The following PDE1C variants were observed in gnomAD, a reference collection of about 807,000 sequenced individuals.
PDE1C encodes the protein dual specificity calcium/calmodulin-dependent 3',5'-cyclic nucleotide phosphodiesterase 1C.
In PDE1C, 62 loss-of-function variants were observed where a neutral mutation model predicts 93.1. That is an observed-to-expected ratio of 0.67 (90% CI 0.54 to 0.82). PDE1C has a LOEUF of 0.82. Among genes scored for constraint, PDE1C ranks in the 40% least tolerant of loss-of-function variants. PDE1C has a pLI of 0.00. For synonymous variants in PDE1C, 325 were observed against 310.1 expected (o/e 1.05, Z -0.50); for missense variants, 742 against 884.6 (o/e 0.84, Z 2.04).
intron 16 of PDE1C, chr7:31,789,267 C>T (rs532975163): frequency 6.6e-6 from 1 of 152,284 alleles, no homozygotes; most frequent in South Asian, 2.1e-4. Flanking sequence ...CATGCTACAT[C>T]TACTATTCTT....
At chr7:31,747,489 A>G (rs1163414632), downstream of PDE1C, among the ~76,000 whole-genome samples, 1 of 152,162 alleles carries the variant, frequency 6.6e-6, no homozygotes, top group African/African-American at 2.4e-5. Flanking sequence ...ATTTTTGCCC[A>G]CTATGATTGT....
At chr7:32,407,434 G>C (rs1382776953) in intron 1 of PDE1C, among the ~76,000 whole-genome samples, 1 of 152,140 alleles carries the variant, frequency 6.6e-6, no homozygotes, top group Non-Finnish European at 1.5e-5. Context: ...GCATGAGCCA[G>C]TATTGCACAG....
intron 3 of PDE1C, chr7:32,169,704 A>G (rs1802524906): frequency 1.7e-6 from 2 of 1,195,426 alleles, no homozygotes; most frequent in African/African-American, 3.0e-5. Context: ...TTTGCTGGCC[A>G]CACTGACTAT....
chr7:31,646,461 T>C, the PDE1C span, among the ~76,000 whole-genome samples: 1 of 152,026 alleles, frequency 6.6e-6, no homozygotes, highest in Non-Finnish European at 1.5e-5. Context: ...GAGGTGGCCC[T>C]GGGGGAAAAG....
the PDE1C span, among the ~76,000 whole-genome samples, chr7:31,644,772 C>T: frequency 6.6e-6 from 1 of 152,142 alleles, no homozygotes; most frequent in African/African-American, 2.4e-5. Context: ...AAAATTAAGA[C>T]TATTGCACAT....
At chr7:32,337,394 T>G (rs1052318178) in intron 1 of PDE1C, among the ~76,000 whole-genome samples, 8 of 152,112 alleles carry the variant, frequency 5.3e-5, no homozygotes, top group Non-Finnish European at 8.8e-5. Flanking sequence ...AAGAACAGCA[T>G]GCTACAAGAG....
intron 1 of PDE1C, among the ~76,000 whole-genome samples, chr7:32,283,740 G>A (rs1181168937): frequency 6.6e-6 from 1 of 152,202 alleles, no homozygotes; most frequent in African/African-American, 2.4e-5. Context: ...CCGTCCCAAT[G>A]CAGAGCTTTG....
chr7:31,858,756 A>T (rs994135936), intron 7 of PDE1C, among the ~76,000 whole-genome samples: 1 of 152,118 alleles, frequency 6.6e-6, no homozygotes, highest in African/African-American at 2.4e-5. Context: ...CTAATATTCT[A>T]CTGTATGCTA....
chr7:31,792,697 C>T lies in PDE1C; in HGVS notation c.1891+16334G>A, dbSNP rs114797683. 8.3e-3 allele frequency among the ~76,000 whole-genome samples: 1,269 copies of T among 152,074 alleles called. 13 individuals are homozygous for T. Among genetic ancestry groups the T allele is most frequent in the African/African-American group, 0.029 (1,203 of 41,490 alleles). On this transcript the variant is annotated intron_variant, in intron 16 of 17. Transcript: ENST00000396191. ...TCCACATCCTATCTTTCATTGTGTTCTGGTTTTATGTATTTGTTTTCAATA... is the reference window on the plus strand; with the variant it reads ...TCCACATCCTATCTTTCATTGTGTTTTGGTTTTATGTATTTGTTTTCAATA...
At position 32,040,821 on chromosome 7, in the gene PDE1C, G is replaced by A. The variant is rs76155896; in HGVS notation, c.128+10733C>T. The stretch of plus-strand genomic sequence containing the variant: ...ATGTCCCAATGCCTATTGCCCTTAC[G>A]TAGCTTGATCTCCTGCCCCACCTAC... On this transcript the variant is annotated intron_variant, in intron 2 of 17. Transcript: ENST00000396191. Among the ~76,000 whole-genome samples the A allele has an allele frequency of 9.9e-3, 1,504 of 152,038 alleles. 6 individuals carry two copies. The highest frequency in any genetic ancestry group is 0.011 in the African/African-American group (449 of 41,464).
At chr7:32,069,498 T>C (rs1471021698) in intron 1 of PDE1C, among the ~76,000 whole-genome samples, 1 of 152,130 alleles carries the variant, frequency 6.6e-6, no homozygotes, top group Non-Finnish European at 1.5e-5. Context: ...GAGCAAGCTG[T>C]GAATATACAG....
intron 2 of PDE1C, among the ~76,000 whole-genome samples, chr7:31,976,477 T>C (rs1469655984): frequency 6.6e-6 from 1 of 152,186 alleles, no homozygotes; most frequent in Non-Finnish European, 1.5e-5. Context: ...TCCAAAACAA[T>C]CTAAGATGAA....
chr7:31,739,885 A>G, the PDE1C span, among the ~76,000 whole-genome samples: 2 of 152,360 alleles, frequency 1.3e-5, no homozygotes, highest in East Asian at 3.9e-4. Context: ...CACCATGTGG[A>G]TCATGAACTT....
At chr7:31,731,444 G>T in the PDE1C span, among the ~76,000 whole-genome samples, 3 of 152,106 alleles carry the variant, frequency 2.0e-5, no homozygotes, top group Non-Finnish European at 4.4e-5. Flanking sequence ...AGGCTGGAGT[G>T]CAGTGGTGTG....
chr7:32,118,169 A>G (rs893912239), intron 3 of PDE1C, among the ~76,000 whole-genome samples: 1 of 152,218 alleles, frequency 6.6e-6, no homozygotes, highest in Non-Finnish European at 1.5e-5. Context: ...TTAAATATGC[A>G]GTCAGTGGGG....
At chr7:32,368,412 A>G (rs1168723978) in intron 1 of PDE1C, among the ~76,000 whole-genome samples, 1 of 152,192 alleles carries the variant, frequency 6.6e-6, no homozygotes, top group African/African-American at 2.4e-5. Context: ...CAATAGCTAT[A>G]CAAAATAATA....
At chr7:32,323,034 C>T (rs1179757308) in intron 1 of PDE1C, among the ~76,000 whole-genome samples, 1 of 152,144 alleles carries the variant, frequency 6.6e-6, no homozygotes, top group East Asian at 1.9e-4. Context: ...AGGAATTTCT[C>T]AGGAAGATAC....
chr7:31,972,651 C>T (rs1811113083), intron 2 of PDE1C, among the ~76,000 whole-genome samples: 1 of 152,244 alleles, frequency 6.6e-6, no homozygotes, highest in Non-Finnish European at 1.5e-5. Context: ...ACACAACAAA[C>T]AATCATAAGA....
chr7:32,144,171 A>G (rs2128782924), intron 3 of PDE1C, among the ~76,000 whole-genome samples: 1 of 152,254 alleles, frequency 6.6e-6, no homozygotes, highest in Middle Eastern at 3.4e-3. Context: ...AGACAGAGAG[A>G]CACTATATCA....
Sources: gnomAD v4.1 joint callset for allele counts (sites outside exome capture counted in the v4.1 genomes callset) on GRCh38, gnomAD v4.1.1 for gene constraint, MANE v1.5 for transcripts, NCBI Gene and HGNC (gene_info 2026-07-23, HGNC 2026-07-21) for gene names.